The following DYNC1I1 variants were observed in gnomAD, a reference collection of about 807,000 sequenced individuals.
The protein encoded by DYNC1I1 is cytoplasmic dynein 1 intermediate chain 1.
DYNC1I1 carries 43 observed loss-of-function variants against 86.6 expected under a neutral mutation model. The observed-to-expected ratio is 0.50, with a 90% CI of 0.39 to 0.64. The LOEUF (loss-of-function observed/expected upper bound fraction) is 0.64. DYNC1I1 is among the 30% of genes least tolerant of loss of function. The probability of loss-of-function intolerance (pLI) is 0.00; values close to 1 mark genes in which losing one functional copy is unlikely to be tolerated. For synonymous variants in DYNC1I1, 262 were observed against 283.7 expected (o/e 0.92, Z 0.77); for missense variants, 604 against 788.8 (o/e 0.77, Z 2.81).
In DYNC1I1 at chr7:95,846,621, CTCTCTCTGTGTG is replaced by C. The variant is rs1424127854; in HGVS notation, c.374+18507_374+18518del. ...CATTCTGAACATAAATGATAAATCTCTCTCTCTGTGTGTGTGTGTGTGTGTGTGTGTGTGTGT... is the reference window on the plus strand; with the variant it reads ...CATTCTGAACATAAATGATAAATCTCTGTGTGTGTGTGTGTGTGTGTGTGT... On this transcript the variant is annotated intron_variant, in intron 5 of 16. Coordinates refer to ENST00000447467, the MANE Select transcript of DYNC1I1 (RefSeq NM_001135556.2). Among the ~76,000 whole-genome samples the C allele has an allele frequency of 7.3e-3, 881 of 120,376 alleles. 10 individuals carry two copies. Among genetic ancestry groups the C allele is most frequent in the African/African-American group, 0.027 (804 of 29,590 alleles). 79.0% of individuals were successfully genotyped at this position (120,376 alleles called of 152,430 possible).
intron 6 of DYNC1I1, among the ~76,000 whole-genome samples, chr7:95,905,048 G>A (rs946138481): frequency 4.6e-5 from 7 of 152,168 alleles, no homozygotes; most frequent in Non-Finnish European, 8.8e-5. Flanking sequence ...GTTTCCCTGT[G>A]TAAGTTCTCT....
intron 4 of DYNC1I1, chr7:95,818,373 C>T: frequency 2.0e-6 from 1 of 489,416 alleles, no homozygotes; most frequent in East Asian, 3.0e-5. Context: ...ACAATCTTAG[C>T]TCAATGAAGC....
chr7:95,985,325 A>G (rs1793563131), intron 8 of DYNC1I1, among the ~76,000 whole-genome samples: 1 of 152,208 alleles, frequency 6.6e-6, no homozygotes, highest in African/African-American at 2.4e-5. Context: ...CTGATGTCCA[A>G]GCAAATAGGA....
intron 8 of DYNC1I1, among the ~76,000 whole-genome samples, chr7:95,986,486 A>G (rs907575503): frequency 2.0e-5 from 3 of 152,164 alleles, no homozygotes; most frequent in Admixed American, 6.5e-5. Context: ...GGTCCATGGC[A>G]GAAGTGATAA....
chr7:95,928,864 T>C (rs1439340969), intron 6 of DYNC1I1, among the ~76,000 whole-genome samples: 1 of 152,174 alleles, frequency 6.6e-6, no homozygotes, highest in Non-Finnish European at 1.5e-5. Flanking sequence ...ATATAAATTA[T>C]GAAGCATAAG....
At chr7:96,059,641 G>A (rs1291114407) in intron 14 of DYNC1I1, among the ~76,000 whole-genome samples, 2 of 152,150 alleles carry the variant, frequency 1.3e-5, no homozygotes, top group Non-Finnish European at 2.9e-5. Flanking sequence ...GAGAGTGATG[G>A]GGGTTTGGAA....
chr7:96,032,055 A>G (rs1262026274), intron 11 of DYNC1I1, among the ~76,000 whole-genome samples: 1 of 152,108 alleles, frequency 6.6e-6, no homozygotes, highest in African/African-American at 2.4e-5. Context: ...AAATAAATAT[A>G]TTATTATCCT....
intron 2 of DYNC1I1, among the ~76,000 whole-genome samples, chr7:95,809,516 A>C (rs760237667): frequency 1.3e-5 from 2 of 152,194 alleles, no homozygotes; most frequent in African/African-American, 4.8e-5. Context: ...ATGTGGGGCA[A>C]ATAACTTATC....
At chr7:96,064,946 C>T (rs1789919123) in intron 14 of DYNC1I1, among the ~76,000 whole-genome samples, 1 of 151,848 alleles carries the variant, frequency 6.6e-6, no homozygotes, top group Non-Finnish European at 1.5e-5. Context: ...AAAGGCAGCC[C>T]TAGACACACA....
At chr7:95,944,033 TTAAAC>T (rs770664914) in intron 6 of DYNC1I1, among the ~76,000 whole-genome samples, 127 of 152,130 alleles carry the variant, frequency 8.3e-4, no homozygotes, top group Non-Finnish European at 1.3e-3. Context: ...TGGGATCTAA[TTAAAC>T]TAAAGAGCTC....
At chr7:96,086,476 G>C (rs1218030591) in intron 16 of DYNC1I1, among the ~76,000 whole-genome samples, 4 of 152,174 alleles carry the variant, frequency 2.6e-5, no homozygotes, top group Non-Finnish European at 4.4e-5. Flanking sequence ...CATGGTTTGA[G>C]AGACGGACAA....
intron 6 of DYNC1I1, among the ~76,000 whole-genome samples, chr7:95,941,034 CA>C (rs1792198864): frequency 6.6e-6 from 1 of 152,230 alleles, no homozygotes; most frequent in African/African-American, 2.4e-5. Context: ...CCCTCAGCTA[CA>C]GGTCTGTTGG....
At chr7:96,057,493 A>G (rs1455654129) in intron 14 of DYNC1I1, among the ~76,000 whole-genome samples, 1 of 152,256 alleles carries the variant, frequency 6.6e-6, no homozygotes, top group East Asian at 1.9e-4. Flanking sequence ...ACCTATTCTT[A>G]CATACCATTT....
At position 96,025,847 on chromosome 7, in the gene DYNC1I1, G is replaced by GC. The variant is rs906115011; in HGVS notation, c.970-2328_970-2327insC. Among the ~76,000 whole-genome samples, 21 of 151,602 alleles carry GC rather than the reference G, an allele frequency of 1.4e-4. No homozygotes were observed. The East Asian group carries it at 3.3e-3, about 24-fold the overall frequency. The stretch of plus-strand genomic sequence containing the variant: ...ACAAACAGTACAAGCTTGCGGGGGG[G>GC]GGATATTTGCTTGGATTTAGCTGAA... On this transcript the variant is annotated intron_variant, in intron 10 of 16. Coordinates refer to ENST00000447467, the MANE Select transcript of DYNC1I1 (RefSeq NM_001135556.2).
intron 16 of DYNC1I1, among the ~76,000 whole-genome samples, chr7:96,088,798 A>G (rs1790757005): frequency 6.6e-6 from 1 of 152,182 alleles, no homozygotes; most frequent in South Asian, 2.1e-4. Context: ...GGACTTGAAA[A>G]GCGAGGAAGT....
chr7:95,907,220 A>C (rs35909573), intron 6 of DYNC1I1, among the ~76,000 whole-genome samples: 18,852 of 152,116 alleles, frequency 0.12, 1,215 homozygotes, highest in East Asian at 0.21. Context: ...ATATTTGGAT[A>C]CGAGCATATA....
chr7:95,942,196 A>G (rs1218273494), intron 6 of DYNC1I1, among the ~76,000 whole-genome samples: 3 of 152,200 alleles, frequency 2.0e-5, no homozygotes, highest in Non-Finnish European at 4.4e-5. Flanking sequence ...GAATATCACC[A>G]CCGATCCCAC....
intron 6 of DYNC1I1, among the ~76,000 whole-genome samples, chr7:95,927,595 G>A (rs912254784): frequency 3.9e-5 from 6 of 152,114 alleles, no homozygotes; most frequent in African/African-American, 7.2e-5. Flanking sequence ...GGAGATACAC[G>A]AAGAAGTATG....
At chr7:95,980,076 C>T (rs767017196) in intron 7 of DYNC1I1, among the ~76,000 whole-genome samples, 15 of 152,160 alleles carry the variant, frequency 9.9e-5, no homozygotes, top group Non-Finnish European at 2.2e-4. Flanking sequence ...GTCGTCTTCT[C>T]CAGCAAAGCA....
Sources: gnomAD v4.1 joint callset for allele counts (sites outside exome capture counted in the v4.1 genomes callset) on GRCh38, gnomAD v4.1.1 for gene constraint, MANE v1.5 for transcripts, NCBI Gene and HGNC (gene_info 2026-07-23, HGNC 2026-07-21) for gene names.